The following NTRK3 variants were observed in gnomAD, a reference collection of about 807,000 sequenced individuals.
NTRK3 encodes the protein NT-3 growth factor receptor.
Under a neutral mutation model 91.7 loss-of-function variants are expected in NTRK3, and 24 were observed. The observed-to-expected ratio is 0.26, with a 90% CI of 0.19 to 0.37. The LOEUF (loss-of-function observed/expected upper bound fraction) is 0.37. NTRK3 is among the 10% of genes least tolerant of loss of function. NTRK3 has a pLI of 1.00. For synonymous variants in NTRK3, 483 were observed against 404.0 expected (o/e 1.20, Z -2.34); for missense variants, 880 against 1,068.9 (o/e 0.82, Z 2.46).
rs187622657 is a variant in NTRK3, at chr15:88,075,704, T to C, written c.1397-42659A>G. 6.6e-5 allele frequency among the ~76,000 whole-genome samples: 10 copies of C among 152,320 alleles called. No homozygotes were observed. The East Asian group carries it at 1.7e-3, about 26-fold the overall frequency. ...TCCACCCAGCTGCAATTTCTCTTGC[T>C]TCGGTTCCATGATGGTTATTTGCAA... On this transcript the variant is annotated intron_variant, in intron 13 of 18. Coordinates refer to ENST00000394480, the Ensembl canonical transcript of NTRK3.
At chr15:88,195,790 C>A (rs913746037) in intron 3 of NTRK3, among the ~76,000 whole-genome samples, 11 of 152,166 alleles carry the variant, frequency 7.2e-5, no homozygotes, top group Non-Finnish European at 1.3e-4. Flanking sequence ...GGGGGAAAAG[C>A]CTGAGTGAGA....
At chr15:87,910,661 T>C (rs772465488) in intron 17 of NTRK3, among the ~76,000 whole-genome samples, 2 of 152,090 alleles carry the variant, frequency 1.3e-5, no homozygotes, top group African/African-American at 2.4e-5. Context: ...AAAGCAGATG[T>C]CTAAAATAGC....
At chr15:88,028,624 T>G (rs1195355359) in intron 14 of NTRK3, among the ~76,000 whole-genome samples, 1 of 151,922 alleles carries the variant, frequency 6.6e-6, no homozygotes, top group African/African-American at 2.4e-5. Flanking sequence ...AGACCCAGAC[T>G]GGGAAGGCTG....
chr15:87,882,559 C>T (rs2141486600), intron 17 of NTRK3, among the ~76,000 whole-genome samples: 1 of 152,040 alleles, frequency 6.6e-6, no homozygotes, highest in East Asian at 1.9e-4. Context: ...TTAGTACTAC[C>T]ACTGATACAA....
chr15:87,959,860 G>C (rs867615755), intron 14 of NTRK3, among the ~76,000 whole-genome samples: 3 of 152,278 alleles, frequency 2.0e-5, no homozygotes, highest in South Asian at 2.1e-4. Context: ...TCAGTCTCTG[G>C]GACACTGTCC....
chr15:88,032,502 G>A (rs1053468286), intron 14 of NTRK3, among the ~76,000 whole-genome samples: 1 of 152,138 alleles, frequency 6.6e-6, no homozygotes, highest in Non-Finnish European at 1.5e-5. Context: ...AGGGGCTGCT[G>A]TCTAAACAGA....
At chr15:88,256,055 A>G in exon 3 of NTRK3, 1 of 1,613,436 alleles carries the variant, frequency 6.2e-7, no homozygotes, top group South Asian at 1.1e-5. Context: ...CACAATTTGC[A>G]GGGCAAGCCA....
chr15:88,220,785 G>A lies in NTRK3; in HGVS notation c.248+35121C>T, dbSNP rs964129451. ...CAAGCCAGAGGAATGCTGGCCACAG[G>A]ACTCCCCATTCCCACCCCACAGTCA... On this transcript the variant is annotated intron_variant, in intron 3 of 18. Coordinates refer to ENST00000394480, the Ensembl canonical transcript of NTRK3. 2.6e-5 allele frequency among the ~76,000 whole-genome samples: 4 copies of A among 152,120 alleles called. No individual in the cohort carries two copies. The East Asian group carries it at 7.7e-4, about 29-fold the overall frequency.
intron 17 of NTRK3, among the ~76,000 whole-genome samples, chr15:87,881,691 T>C (rs1359368798): frequency 1.3e-5 from 2 of 152,044 alleles, no homozygotes; most frequent in East Asian, 3.9e-4. Context: ...AGTGCTGGGA[T>C]TACAGGCTTG....
chr15:88,035,443 T>C (rs1466704275), intron 13 of NTRK3, among the ~76,000 whole-genome samples: 1 of 152,156 alleles, frequency 6.6e-6, no homozygotes, highest in African/African-American at 2.4e-5. Flanking sequence ...TCTCATCTCA[T>C]ACCAGCACCC....
chr15:87,892,594 G>A (rs900387924), intron 17 of NTRK3, among the ~76,000 whole-genome samples: 4 of 151,714 alleles, frequency 2.6e-5, no homozygotes, highest in Admixed American at 1.3e-4. Context: ...TTTTGTCGAC[G>A]ACTTTTTTGT....
intron 14 of NTRK3, among the ~76,000 whole-genome samples, chr15:88,032,449 C>T (rs1344949956): frequency 6.6e-6 from 1 of 152,060 alleles, no homozygotes; most frequent in Non-Finnish European, 1.5e-5. Context: ...CCCTTTATTC[C>T]CTTCCCCCTC....
At chr15:88,085,907 T>C (rs749064630) in intron 13 of NTRK3, among the ~76,000 whole-genome samples, 1 of 152,136 alleles carries the variant, frequency 6.6e-6, no homozygotes, top group Non-Finnish European at 1.5e-5. Context: ...GAGGAGCTAA[T>C]AGGATATATG....
chr15:88,061,616 G>A (rs1028220270), intron 13 of NTRK3, among the ~76,000 whole-genome samples: 4 of 152,254 alleles, frequency 2.6e-5, no homozygotes, highest in Admixed American at 2.0e-4. Context: ...CCCCCGCAGG[G>A]CGAGGGCTCA....
At chr15:88,028,475 G>C (rs2078233363) in intron 14 of NTRK3, among the ~76,000 whole-genome samples, 1 of 152,136 alleles carries the variant, frequency 6.6e-6, no homozygotes, top group African/African-American at 2.4e-5. Flanking sequence ...GGGGCTCCTG[G>C]GGAAAAGAAA....
chr15:87,924,720 G>A (rs1034845596), intron 17 of NTRK3, among the ~76,000 whole-genome samples: 1 of 152,062 alleles, frequency 6.6e-6, no homozygotes, highest in Non-Finnish European at 1.5e-5. Flanking sequence ...GGTTTCTCTT[G>A]GTCTGGAATG....
In NTRK3 at chr15:88,233,118, TG is replaced by T. The variant is rs1386486110; in HGVS notation, c.248+22787del. Among the ~76,000 whole-genome samples the T allele has an allele frequency of 6.6e-6, 1 of 152,198 alleles. No homozygotes were observed. Among genetic ancestry groups the T allele is most frequent in the Non-Finnish European group, 1.5e-5 (1 of 68,038 alleles). ...CCATTAAACTCACTGAATAAGTTAATGGGGCAGAGAGAATCTATTTCGGAGC... is the reference window on the plus strand; with the variant it reads ...CCATTAAACTCACTGAATAAGTTAATGGGCAGAGAGAATCTATTTCGGAGC... On this transcript the variant is annotated intron_variant, in intron 3 of 18. Coordinates refer to ENST00000394480, the Ensembl canonical transcript of NTRK3. The surrounding 1 kb of genome is among the most constrained non-coding windows in gnomAD (Gnocchi z 4.2).
At chr15:88,193,624 A>G (rs2047584108) in intron 3 of NTRK3, among the ~76,000 whole-genome samples, 2 of 152,172 alleles carry the variant, frequency 1.3e-5, no homozygotes, top group South Asian at 4.1e-4. Flanking sequence ...CTAGGCGAAT[A>G]AATGAACGAA....
At chr15:87,948,723 T>G (rs2070809997) in intron 14 of NTRK3, among the ~76,000 whole-genome samples, 2 of 152,148 alleles carry the variant, frequency 1.3e-5, no homozygotes, top group South Asian at 4.1e-4. Context: ...TAAAAATGAT[T>G]AGTCAAATGG....
Sources: gnomAD v4.1 joint callset for allele counts (sites outside exome capture counted in the v4.1 genomes callset) on GRCh38, gnomAD v4.1.1 for gene constraint, Gnocchi (gnomAD v3.1) non-coding constraint, MANE v1.5 for transcripts, NCBI Gene and HGNC (gene_info 2026-07-23, HGNC 2026-07-21) for gene names.